SLC12A8: variants seen among roughly 807,000 people sequenced by gnomAD.
The protein encoded by SLC12A8 is cation-chloride cotransporter 9.
SLC12A8 carries 69 observed loss-of-function variants against 75.6 expected under a neutral mutation model. That is an observed-to-expected ratio of 0.91 (90% CI 0.75 to 1.11). The LOEUF (loss-of-function observed/expected upper bound fraction) is 1.11, where lower values mean the gene tolerates loss of function less well. Ranked by LOEUF, SLC12A8 falls within the 50% of genes most tolerant of loss-of-function variation. The pLI is 0.00. For missense variants in SLC12A8, 877 were observed against 896.7 expected, an observed-to-expected ratio of 0.98 and a Z score of 0.28; for synonymous variants, 365 against 372.8, an observed-to-expected ratio of 0.98 and a Z score of 0.24.
chr3:125,108,210 C>T (rs148367289), intron 9 of SLC12A8, 84 bp from the exon 10 acceptor site: 7 of 1,376,498 alleles, frequency 5.1e-6, no homozygotes, highest in Middle Eastern at 2.6e-4. Flanking sequence ...GCTAGAAACA[C>T]AACTCATAAT....
At chr3:125,161,207 A>G (rs955166728) in intron 5 of SLC12A8, among the ~76,000 whole-genome samples, 3 of 152,236 alleles carry the variant, frequency 2.0e-5, no homozygotes, top group Admixed American at 6.5e-5. Flanking sequence ...GCAGGTGCCC[A>G]GTTAATAGAT....
At chr3:125,095,004 G>C (rs1444961152) in intron 10 of SLC12A8, among the ~76,000 whole-genome samples, 1 of 152,078 alleles carries the variant, frequency 6.6e-6, no homozygotes, top group East Asian at 1.9e-4. Context: ...AGTCTTCTTT[G>C]CTGGCTCGCC....
chr3:125,185,785 C>T (rs1455320053), intron 4 of SLC12A8, among the ~76,000 whole-genome samples: 1 of 152,214 alleles, frequency 6.6e-6, no homozygotes. Context: ...ATCAGGGACT[C>T]CTGGCCCGCG....
chr3:125,209,987 TA>T (rs1010198202), intron 2 of SLC12A8, among the ~76,000 whole-genome samples: 19 of 152,324 alleles, frequency 1.2e-4, no homozygotes, highest in African/African-American at 4.3e-4. Flanking sequence ...GATGGATTTC[TA>T]AATCATGAAC....
intron 5 of SLC12A8, among the ~76,000 whole-genome samples, chr3:125,144,511 A>G (rs1243732474): frequency 1.3e-5 from 2 of 152,110 alleles, no homozygotes; most frequent in African/African-American, 4.8e-5. Flanking sequence ...AGCCCTGAGA[A>G]AGGAAAATCT....
chr3:125,140,708 T>C (rs1933609108), intron 5 of SLC12A8, among the ~76,000 whole-genome samples: 1 of 151,074 alleles, frequency 6.6e-6, no homozygotes, highest in Non-Finnish European at 1.5e-5. Context: ...TTTTTTTTTT[T>C]CTTTTCTTTC....
chr3:125,107,972 A>G lies in SLC12A8; in HGVS notation c.1214T>C (p.Leu405Pro). The G allele has an allele frequency of 2.5e-6, 4 of 1,614,218 alleles. No individual in the cohort carries two copies. In the South Asian group the frequency reaches 4.4e-5, roughly 18 times the overall value. The change falls in exon 10 of 14, where the codon CTG (leucine) becomes CCG (proline). Residue 405 changes from leucine to proline, a missense_variant. Physicochemically the swap from Leu to Pro is moderately conservative, Grantham distance 98 (BLOSUM62 -3). Transcript: ENST00000469902. ...GGTCAGGCTGCAGGAACACATGGAC[A>G]GGGAGAAGTAAGAGTAGTCCACTGC... is the stretch of plus-strand genomic sequence containing the variant. Reference protein sequence around the residue: ...YVAVDYSYFSLSMCSCSLTPV... With the variant: ...YVAVDYSYFSPSMCSCSLTPV...
intron 1 of SLC12A8, 132 bp downstream of exon 1, chr3:125,212,568 G>C (rs1346892228): frequency 6.6e-6 from 1 of 152,528 alleles, no homozygotes. Context: ...GGTGACCGGC[G>C]GTAGGAGAGG....
At chr3:125,096,298 T>C (rs1399850032) in intron 10 of SLC12A8, among the ~76,000 whole-genome samples, 1 of 152,222 alleles carries the variant, frequency 6.6e-6, no homozygotes, top group Non-Finnish European at 1.5e-5. Flanking sequence ...CCCACCCTGG[T>C]CTCTCTTTAT....
At chr3:125,187,022 G>A (rs541893228) in intron 4 of SLC12A8, among the ~76,000 whole-genome samples, 24 of 152,224 alleles carry the variant, frequency 1.6e-4, no homozygotes, top group Non-Finnish European at 2.6e-4. Context: ...TCCAGGAGGC[G>A]GGAGTGGCAG....
intron 5 of SLC12A8, among the ~76,000 whole-genome samples, chr3:125,164,645 C>G (rs1256041978): frequency 6.6e-6 from 1 of 152,236 alleles, no homozygotes; most frequent in Non-Finnish European, 1.5e-5. Context: ...TCTCCAGGGT[C>G]TTGCCGGCCT....
At chr3:125,119,160 T>A (rs1560057556) in intron 7 of SLC12A8, 1 of 210,510 alleles carries the variant, frequency 4.8e-6, no homozygotes, top group African/African-American at 2.3e-5. Flanking sequence ...CTAATCTCTG[T>A]ATTGTTTTAA....
intron 6 of SLC12A8, among the ~76,000 whole-genome samples, chr3:125,123,296 G>C (rs1933107783): frequency 1.3e-5 from 2 of 149,214 alleles, no homozygotes; most frequent in South Asian, 4.3e-4. Context: ...GATCACTTGA[G>C]CCCAGGAGGT....
chr3:125,132,531 G>T (rs1314305988), intron 6 of SLC12A8, among the ~76,000 whole-genome samples: 1 of 152,192 alleles, frequency 6.6e-6, no homozygotes, highest in Non-Finnish European at 1.5e-5. Flanking sequence ...AAAGAGGGAG[G>T]TCTGATCACT....
chr3:125,167,822 C>G (rs756926925), intron 5 of SLC12A8, among the ~76,000 whole-genome samples: 2 of 152,186 alleles, frequency 1.3e-5, no homozygotes, highest in African/African-American at 2.4e-5. Context: ...CTTCATAAAT[C>G]AGTGAATAAA....
At chr3:125,168,196 G>A (rs1017839327) in intron 5 of SLC12A8, among the ~76,000 whole-genome samples, 1 of 152,210 alleles carries the variant, frequency 6.6e-6, no homozygotes, top group African/African-American at 2.4e-5. Context: ...AAGGATAAAA[G>A]AGCTTAAGCT....
In SLC12A8 at chr3:125,088,366, T is replaced by C. The variant is rs536116990; in HGVS notation, c.1926A>G (p.Ser642=). Residue 642 remains serine (S), a synonymous_variant, in exon 13 of 14, where the codon TCA becomes TCG. Coordinates refer to ENST00000469902, the MANE Select transcript of SLC12A8 (RefSeq NM_024628.6). ...GRASPGLHLG[S]ASNFSFFRWM... is the part of the protein sequence containing the mutation. The stretch of plus-strand genomic sequence containing the variant: ...ACCGGAAAAAGCTGAAGTTGGAGGC[T>C]GATCCTGCAGGGAAGACATATACAT... 1 of 1,614,208 alleles carries C rather than the reference T, an allele frequency of 6.2e-7. No homozygotes were observed. Among genetic ancestry groups the C allele is most frequent in the South Asian group, 1.1e-5 (1 of 91,090 alleles).
chr3:125,103,265 C>T (rs1055640428), intron 10 of SLC12A8, among the ~76,000 whole-genome samples: 2 of 151,952 alleles, frequency 1.3e-5, no homozygotes, highest in African/African-American at 2.4e-5. Context: ...GTGTGTCCCT[C>T]GGGCAAGGGA....
chr3:125,091,316 A>G (rs776198663), intron 12 of SLC12A8, 123 bp downstream of exon 12: 16 of 679,002 alleles, frequency 2.4e-5, no homozygotes, highest in Admixed American at 4.5e-5. Flanking sequence ...ACTATAAATT[A>G]TTTGAAAATG....
Sources: allele counts gnomAD v4.1 joint callset (sites outside exome capture counted in the v4.1 genomes callset), GRCh38; gene constraint gnomAD v4.1.1; transcripts MANE v1.5; gene names NCBI Gene and HGNC (gene_info 2026-07-23, HGNC 2026-07-21).